The following MRPL22 variants were observed in gnomAD, a reference collection of about 807,000 sequenced individuals.
MRPL22 encodes mitochondrial ribosomal protein L22.
MRPL22 carries 27 observed loss-of-function variants against 32.4 expected under a neutral mutation model. The ratio of observed to expected loss-of-function variants is 0.83; its 90% CI spans 0.61 to 1.15. MRPL22 has a LOEUF of 1.15. MRPL22 is among the 50% of genes most tolerant of loss of function. The pLI is 0.00. For missense variants in MRPL22, 239 were observed against 260.2 expected, an observed-to-expected ratio of 0.92 and a Z score of 0.56; for synonymous variants, 86 against 87.3, an observed-to-expected ratio of 0.99 and a Z score of 0.08.
Position 154,957,174 on chromosome 5 carries a change from G to T in MRPL22, c.301G>T (p.Glu101Ter), listed in dbSNP as rs1418102592. ...MSIDQALAQL[E>*]FNDKKGAKII... ...TATTGACCAGGCTTTGGCTCAGTTGGAATTCAATGACAAAAAAGGGGCCAA... is the reference window on the plus strand; with the variant it reads ...TATTGACCAGGCTTTGGCTCAGTTGTAATTCAATGACAAAAAAGGGGCCAA... Residue 101 changes from glutamate (E) to a stop codon, truncating the protein, a stop_gained, in exon 5 of 7, where the codon GAA (glutamate) becomes TAA (stop). Coordinates refer to ENST00000523037, the MANE Select transcript of MRPL22 (RefSeq NM_014180.4). LOFTEE classifies it high-confidence loss of function. 1 of 1,613,586 alleles carries T rather than the reference G, an allele frequency of 6.2e-7. No individual in the cohort carries two copies. The highest frequency in any genetic ancestry group is 2.2e-5 in the East Asian group (1 of 44,852).
chr5:154,942,066 CGTTAT>C (rs1365578797), intron 2 of MRPL22, among the ~76,000 whole-genome samples: 5 of 151,980 alleles, frequency 3.3e-5, no homozygotes, highest in African/African-American at 9.7e-5. Flanking sequence ...ATGATATGAG[CGTTAT>C]GTTAGTACCT....
chr5:154,950,931 G>T lies in MRPL22; in HGVS notation c.188G>T (p.Arg63Ile). ...CCACAACTGCCTGGAGAACCTCGGA[G>T]ACCAGCAGTAAGTTCGTGGGTAGAA... ...YPPQLPGEPRRPAEIYHCRRQ... is the reference protein window; with the variant it reads ...YPPQLPGEPRIPAEIYHCRRQ... Residue 63 changes from arginine (R) to isoleucine (I), a missense_variant, in exon 3 of 7, where the codon AGA becomes ATA. Transcript: ENST00000523037. 1 of 1,599,660 alleles carries T rather than the reference G, an allele frequency of 6.3e-7. No individual in the cohort carries two copies.
chr5:154,952,332 A>G (rs888346777), intron 3 of MRPL22, among the ~76,000 whole-genome samples: 2 of 152,236 alleles, frequency 1.3e-5, no homozygotes, highest in African/African-American at 4.8e-5. Context: ...GCAAAATTCA[A>G]ATAGTTAGTA....
chr5:154,956,497 C>A, intron 4 of MRPL22, 61 bp downstream of exon 4: 1 of 1,052,798 alleles, frequency 9.5e-7, no homozygotes. Context: ...ATGAGTTCCC[C>A]TCCCCACCCC....
At chr5:154,959,120 C>T (rs1163394316) in intron 5 of MRPL22, 3 of 152,336 alleles carry the variant, frequency 2.0e-5, no homozygotes, top group Non-Finnish European at 4.4e-5. Context: ...GCAGCTTTAA[C>T]TTCCTGAGCT....
intron 5 of MRPL22, among the ~76,000 whole-genome samples, chr5:154,959,418 A>C (rs1183813495): frequency 6.6e-6 from 1 of 152,114 alleles, no homozygotes; most frequent in East Asian, 1.9e-4. Context: ...ATCTTGGCTC[A>C]CTGCAGCCTC....
In MRPL22 at chr5:154,965,145, T is replaced by C. The variant is rs183778293; in HGVS notation, c.410-1541T>C. On this transcript the variant is annotated intron_variant, in intron 6 of 6. Transcript: ENST00000523037. ...TTTCTCTTTGGCAAAGCTAGGAAGC[T>C]TCTGCTGAAACCCACTTCACTAGAG... is the stretch of plus-strand genomic sequence containing the variant. 9.4e-3 allele frequency among the ~76,000 whole-genome samples: 1,425 copies of C among 152,294 alleles called. 19 individuals are homozygous for C. Among genetic ancestry groups the C allele is most frequent in the Non-Finnish European group, 0.016 (1,087 of 68,014 alleles).
At chr5:154,946,426 T>G (rs1461946773) in intron 2 of MRPL22, among the ~76,000 whole-genome samples, 1 of 152,136 alleles carries the variant, frequency 6.6e-6, no homozygotes, top group Non-Finnish European at 1.5e-5. Flanking sequence ...AAATTGTGTA[T>G]TTAAAGCTTA....
At chr5:154,944,615 A>G (rs1420289412) in intron 2 of MRPL22, among the ~76,000 whole-genome samples, 2 of 152,230 alleles carry the variant, frequency 1.3e-5, no homozygotes, top group Non-Finnish European at 2.9e-5. Context: ...ATCCCTTGCC[A>G]TTGTGGGGTG....
At chr5:154,942,395 C>T (rs955811882) in intron 2 of MRPL22, among the ~76,000 whole-genome samples, 1 of 152,020 alleles carries the variant, frequency 6.6e-6, no homozygotes, top group African/African-American at 2.4e-5. Context: ...TATATTTAAC[C>T]CTTTTCTAAG....
In MRPL22 at chr5:154,967,948, GAATGAAAA is replaced by G. The variant is rs1346426661; in HGVS notation, c.*1056_*1063del. On this transcript the variant is annotated 3_prime_UTR_variant, in exon 7 of 7. Transcript: ENST00000523037. The surrounding 1 kb of genome is among the most constrained non-coding windows in gnomAD (Gnocchi z 4.7). ...ACGCTTTGAGAATACGGCTTTAGGAGAATGAAAAAATGTAGTTTTATTGCCATGTTTTA... is the reference window on the plus strand; with the variant it reads ...ACGCTTTGAGAATACGGCTTTAGGAGAATGTAGTTTTATTGCCATGTTTTA... The G allele has an allele frequency of 1.3e-5, 2 of 152,106 alleles. No homozygotes were observed. Among genetic ancestry groups the G allele is most frequent in the African/African-American group, 4.8e-5 (2 of 41,432 alleles). The allele number at this position is 152,106 out of a possible 1,614,324, so 9.4% of individuals were successfully genotyped here.
At chr5:154,966,628 C>G in intron 6 of MRPL22, 58 bp from the exon 7 acceptor site, 1 of 1,564,992 alleles carries the variant, frequency 6.4e-7, no homozygotes, top group Non-Finnish European at 8.8e-7. Context: ...AATTGCTCAG[C>G]TGATCAGGCT....
At chr5:154,951,328 TTTTG>T (rs139854722) in intron 3 of MRPL22, among the ~76,000 whole-genome samples, 11,579 of 152,076 alleles carry the variant, frequency 0.076, 478 homozygotes, top group Middle Eastern at 0.1. Context: ...ACACACTGTT[TTTTG>T]TTTGTTTGTT....
Position 154,942,343 on chromosome 5 carries a change from A to G in MRPL22, c.77+1078A>G, listed in dbSNP as rs1307294425. Among the ~76,000 whole-genome samples the G allele has an allele frequency of 3.9e-5, 6 of 152,338 alleles. No individual in the cohort carries two copies. In the East Asian group the frequency reaches 1.2e-3, roughly 29 times the overall value. ...AATCCCACTCTGAATTCTAGTTGCC[A>G]TTAATGTTTTTATTATTATAAATTA... On this transcript the variant is annotated intron_variant, in intron 2 of 6. Coordinates refer to ENST00000523037, the MANE Select transcript of MRPL22 (RefSeq NM_014180.4).
chr5:154,954,922 G>A (rs546795451), intron 3 of MRPL22, among the ~76,000 whole-genome samples: 1 of 152,176 alleles, frequency 6.6e-6, no homozygotes, highest in South Asian at 2.1e-4. Flanking sequence ...CTCCCGGGTA[G>A]CTGGGACCAC....
At chr5:154,966,254 T>C (rs1436004994) in intron 6 of MRPL22, among the ~76,000 whole-genome samples, 3 of 152,182 alleles carry the variant, frequency 2.0e-5, no homozygotes, top group African/African-American at 7.2e-5. Context: ...GAATACCCTG[T>C]CCCTAGATAT....
At chr5:154,948,479 C>T (rs1257779067) in intron 2 of MRPL22, among the ~76,000 whole-genome samples, 1 of 151,880 alleles carries the variant, frequency 6.6e-6, no homozygotes, top group Non-Finnish European at 1.5e-5. Context: ...GTTTTCTATA[C>T]CTTGGATTTT....
intron 2 of MRPL22, among the ~76,000 whole-genome samples, chr5:154,943,815 A>G (rs1323762949): frequency 2.0e-5 from 3 of 151,826 alleles, no homozygotes; most frequent in Admixed American, 6.6e-5. Flanking sequence ...ACAGGCGTGC[A>G]CTACTACACC....
At chr5:154,956,729 A>T in intron 4 of MRPL22, 1 of 371,504 alleles carries the variant, frequency 2.7e-6, no homozygotes, top group Non-Finnish European at 4.8e-6. Context: ...ACTTGATTCA[A>T]CCTGTTTTAA....
Sources: allele counts gnomAD v4.1 joint callset (sites outside exome capture counted in the v4.1 genomes callset), GRCh38; gene constraint gnomAD v4.1.1; non-coding constraint Gnocchi (gnomAD v3.1); transcripts MANE v1.5; gene names NCBI Gene and HGNC (gene_info 2026-07-23, HGNC 2026-07-21).